Variants in FAM120A observed in about 807,000 individuals in gnomAD.
FAM120A encodes the protein family with sequence similarity 120 member A, also known as constitutive coactivator of PPAR-gamma-like protein 1.
A neutral mutation model predicts 109.7 loss-of-function variants in FAM120A; 15 were observed. The observed-to-expected ratio is 0.14, with a 90% CI of 0.09 to 0.21. The LOEUF is 0.21. FAM120A is among the 10% of genes least tolerant of loss of function. The probability of loss-of-function intolerance (pLI) is 1.00; values close to 1 mark genes in which losing one functional copy is unlikely to be tolerated. For missense variants in FAM120A, 899 were observed against 1,439.3 expected, an observed-to-expected ratio of 0.62 and a Z score of 6.07; for synonymous variants, 493 against 572.8, an observed-to-expected ratio of 0.86 and a Z score of 1.99.
At chr9:93,508,481 T>G (rs898385295) in intron 5 of FAM120A, among the ~76,000 whole-genome samples, 4 of 152,172 alleles carry the variant, frequency 2.6e-5, no homozygotes, top group African/African-American at 9.7e-5. Context: ...CAACGCCCAG[T>G]GACTGACCTG....
At position 93,471,251 on chromosome 9, in the gene FAM120A, C is replaced by T. The variant is rs910147180; in HGVS notation, c.585C>T (p.Pro195=). The T allele has an allele frequency of 3.1e-6, 5 of 1,614,056 alleles. No individual in the cohort carries two copies. The highest frequency in any genetic ancestry group is 3.3e-5 in the Admixed American group (2 of 60,004). The change falls in exon 2 of 18, where the codon CCC becomes CCT. Residue 195 remains proline (P), a synonymous_variant. Transcript: ENST00000277165. ...CTGATTATGCACTGTGCAACATCCCCTACTATTTCAGTGCCCATGCCCTAA... is the reference window on the plus strand; with the variant it reads ...CTGATTATGCACTGTGCAACATCCCTTACTATTTCAGTGCCCATGCCCTAA... ...YDSDYALCNI[P]YYFSAHALKL...
At chr9:93,513,888 G>A (rs1390864994) in intron 5 of FAM120A, among the ~76,000 whole-genome samples, 5 of 152,238 alleles carry the variant, frequency 3.3e-5, no homozygotes, top group African/African-American at 7.2e-5. Flanking sequence ...TTCAGAGAAC[G>A]AGAGTGAAGG....
intron 5 of FAM120A, among the ~76,000 whole-genome samples, chr9:93,505,028 G>T (rs1027578714): frequency 2.6e-4 from 37 of 144,104 alleles, no homozygotes; most frequent in African/African-American, 9.6e-4. Context: ...ATTGTGAAAT[G>T]CTTGTTCATG....
intron 5 of FAM120A, among the ~76,000 whole-genome samples, chr9:93,511,453 G>C (rs907887311): frequency 3.4e-4 from 52 of 152,324 alleles, no homozygotes; most frequent in African/African-American, 1.2e-3. Context: ...GACCGGCTCT[G>C]TGGGGCCTCC....
At chr9:93,453,176 G>A in intron 1 of FAM120A, 2 of 1,001,894 alleles carry the variant, frequency 2.0e-6, no homozygotes, top group Non-Finnish European at 2.4e-6. Flanking sequence ...AACTACGCGG[G>A]CGTGAACTCG....
chr9:93,530,951 C>T lies in FAM120A; in HGVS notation c.1735-1204C>T, dbSNP rs182087030. 1.3e-4 allele frequency: 20 copies of T among 152,266 alleles called. No homozygotes were observed. In the East Asian group the frequency reaches 2.3e-3, roughly 18 times the overall value. The allele number at this position is 152,266 out of a possible 1,614,324, so 9.4% of individuals were successfully genotyped here. On this transcript the variant is annotated intron_variant, in intron 9 of 17. Coordinates refer to ENST00000277165, the MANE Select transcript of FAM120A (RefSeq NM_014612.5). ...TCTATATGAGGGTTGCAAATTGTAC[C>T]GACATGCTTTCTTATTTCTTATGAA...
intron 1 of FAM120A, among the ~76,000 whole-genome samples, chr9:93,465,013 A>G (rs1342668028): frequency 6.6e-6 from 1 of 152,184 alleles, no homozygotes; most frequent in Admixed American, 6.5e-5. Flanking sequence ...GAGAAGAAGC[A>G]GATAAATAAG....
intron 9 of FAM120A, chr9:93,530,349 G>C (rs887637315): frequency 3.9e-5 from 6 of 152,088 alleles, no homozygotes; most frequent in African/African-American, 1.2e-4. Context: ...CTGCAGAACT[G>C]GTTTATTGCT....
Position 93,494,940 on chromosome 9 carries a change from G to A in FAM120A, c.805-2531G>A, listed in dbSNP as rs114689543. The stretch of plus-strand genomic sequence containing the variant: ...ACCCTGGGCTGAATACCTTTGGGCC[G>A]ACTCCTCTTTTCTTCCCACTGTGCG... On this transcript the variant is annotated intron_variant, in intron 3 of 17. Coordinates refer to ENST00000277165, the MANE Select transcript of FAM120A (RefSeq NM_014612.5). Among the ~76,000 whole-genome samples the A allele has an allele frequency of 6.6e-3, 1,001 of 152,242 alleles. 14 individuals carry two copies. Among genetic ancestry groups the A allele is most frequent in the African/African-American group, 0.023 (967 of 41,542 alleles).
chr9:93,471,431 A>G, intron 2 of FAM120A, 44 bp downstream of exon 2: 1 of 1,606,910 alleles, frequency 6.2e-7, no homozygotes. Context: ...GAGTGACCAT[A>G]TGATAAGCAC....
Position 93,558,734 on chromosome 9 carries a change from C to A in FAM120A, c.2806+16C>A. ...TCCCAGGGCGGTAATTATACCCACC[C>A]CTTCCCAGAGCTTCTGCCTGCCAGC... On this transcript the variant is annotated intron_variant, in intron 15 of 17. Coordinates refer to ENST00000277165, the MANE Select transcript of FAM120A (RefSeq NM_014612.5). The A allele has an allele frequency of 6.2e-7, 1 of 1,611,524 alleles. No homozygotes were observed. The highest frequency in any genetic ancestry group is 8.5e-7 in the Non-Finnish European group (1 of 1,178,590).
At chr9:93,513,662 C>G (rs1006537247) in intron 5 of FAM120A, among the ~76,000 whole-genome samples, 1 of 152,160 alleles carries the variant, frequency 6.6e-6, no homozygotes, top group South Asian at 2.1e-4. Context: ...GCTGAAGGCC[C>G]TTGGAAGGCA....
At chr9:93,480,557 A>G (rs1019737307) in intron 3 of FAM120A, among the ~76,000 whole-genome samples, 1 of 152,022 alleles carries the variant, frequency 6.6e-6, no homozygotes, top group Non-Finnish European at 1.5e-5. Context: ...ACTTTGCTCT[A>G]AGTAAGTTAC....
At chr9:93,516,936 C>A (rs148711441) in intron 7 of FAM120A, among the ~76,000 whole-genome samples, 1 of 152,282 alleles carries the variant, frequency 6.6e-6, no homozygotes, top group Admixed American at 6.5e-5. Context: ...AAGAATATTT[C>A]TTTTCTTTAA....
At chr9:93,529,894 T>G in intron 9 of FAM120A, 1 of 549,710 alleles carries the variant, frequency 1.8e-6, no homozygotes, top group African/African-American at 1.9e-5. Context: ...ATTTCAGAAT[T>G]TTCTTAAACC....
intron 10 of FAM120A, 88 bp from the exon 11 acceptor site, chr9:93,543,134 C>A: frequency 1.3e-6 from 2 of 1,500,900 alleles, no homozygotes; most frequent in Non-Finnish European, 1.8e-6. Context: ...AATCTTTAGA[C>A]CAGTTACTAG....
rs569592109 is a variant in FAM120A, at chr9:93,558,407, T to TA, written c.2669-173dup. ...TGACCCACTGCAGGGAGGGTGGCCT[T>TA]ACAATACTGGTCCCCAGGGACCATG... On this transcript the variant is annotated intron_variant, in intron 14 of 17. Coordinates refer to ENST00000277165, the MANE Select transcript of FAM120A (RefSeq NM_014612.5). 2.6e-4 allele frequency among the ~76,000 whole-genome samples: 37 copies of TA among 143,288 alleles called. 1 individual carries two copies. In the East Asian group the frequency reaches 7.2e-3, roughly 28 times the overall value. The allele number at this position is 143,288 out of a possible 152,430, so 94.0% of individuals were successfully genotyped here. A position where few individuals can be genotyped will look rare whatever the true frequency, so the allele number is the denominator to read the frequency against.
Position 93,476,317 on chromosome 9 carries a change from A to T in FAM120A, c.783A>T (p.Glu261Asp). The T allele has an allele frequency of 6.2e-7, 1 of 1,606,740 alleles. No individual in the cohort carries two copies. Residue 261 changes from glutamate (E) to aspartate (D), a missense_variant, in exon 3 of 18, where the codon GAA becomes GAT. By Grantham distance (45) the Glu-to-Asp change is conservative. Coordinates refer to ENST00000277165, the MANE Select transcript of FAM120A (RefSeq NM_014612.5). The stretch of plus-strand genomic sequence containing the variant: ...TTCACTGGAGTTTACTTGGTCCAGA[A>T]CATCCACTAGCCTCACTAAAGGTAC... The part of the protein sequence containing the change: ...ASFHWSLLGP[E>D]HPLASLKVRA...
rs6151079 is a variant in FAM120A, at chr9:93,502,565, T to TACACACACACACAC, written c.1030+3700_1030+3713dup. On this transcript the variant is annotated intron_variant, in intron 5 of 17. Coordinates refer to ENST00000277165, the MANE Select transcript of FAM120A (RefSeq NM_014612.5). ...AGTGTAGAGTTCTTAGGAGGACACA[T>TACACACACACACAC]ACACACACACACACACACACACACA... 6.5e-3 allele frequency among the ~76,000 whole-genome samples: 952 copies of TACACACACACACAC among 146,782 alleles called. 13 individuals carry two copies. Among genetic ancestry groups the TACACACACACACAC allele is most frequent in the East Asian group, 0.013 (65 of 5,004 alleles).
Sources: allele counts gnomAD v4.1 joint callset (sites outside exome capture counted in the v4.1 genomes callset), GRCh38; gene constraint gnomAD v4.1.1; transcripts MANE v1.5; gene names NCBI Gene and HGNC (gene_info 2026-07-23, HGNC 2026-07-21).